SCTR: variants seen among roughly 807,000 people sequenced by gnomAD.
The protein encoded by SCTR is secretin receptor.
Under a neutral mutation model 60.8 loss-of-function variants are expected in SCTR, and 56 were observed. That is an observed-to-expected ratio of 0.92 (90% confidence interval 0.74 to 1.15). The LOEUF (loss-of-function observed/expected upper bound fraction) is 1.15. SCTR is among the 50% of genes most tolerant of loss of function. The pLI is 0.00. For missense variants in SCTR, 562 were observed against 550.4 expected, an observed-to-expected ratio of 1.02 and a Z score of -0.21; for synonymous variants, 202 against 217.0, an observed-to-expected ratio of 0.93 and a Z score of 0.61.
At chr2:119,452,566 C>T (rs1683215113) in intron 8 of SCTR, among the ~76,000 whole-genome samples, 1 of 152,136 alleles carries the variant, frequency 6.6e-6, no homozygotes. Context: ...TGTTAAAGGA[C>T]CTCTCCATTT....
chr2:119,458,962 G>A (rs529597817), intron 7 of SCTR, among the ~76,000 whole-genome samples: 12 of 152,274 alleles, frequency 7.9e-5, no homozygotes, highest in South Asian at 2.1e-4. Flanking sequence ...TAAAGCCTGC[G>A]CTGTCACTAT....
intron 3 of SCTR, among the ~76,000 whole-genome samples, chr2:119,475,139 G>A (rs528075452): frequency 1.3e-5 from 2 of 152,234 alleles, no homozygotes; most frequent in African/African-American, 4.8e-5. Context: ...GCAGAAGTGG[G>A]AGGGGCTTGG....
chr2:119,500,754 G>T (rs1266962709), intron 1 of SCTR, among the ~76,000 whole-genome samples: 3 of 152,116 alleles, frequency 2.0e-5, no homozygotes, highest in Admixed American at 2.0e-4. Flanking sequence ...TTGAAGAGAG[G>T]TTGAATAATG....
intron 2 of SCTR, among the ~76,000 whole-genome samples, chr2:119,482,374 C>T (rs1015854878): frequency 6.6e-6 from 1 of 152,148 alleles, no homozygotes; most frequent in African/African-American, 2.4e-5. Context: ...CCTGTGGGGG[C>T]TTTGGAGGCG....
intron 1 of SCTR, among the ~76,000 whole-genome samples, chr2:119,513,293 G>T (rs1679014198): frequency 6.6e-6 from 1 of 152,092 alleles, no homozygotes; most frequent in South Asian, 2.1e-4. Context: ...CTTTGTATGG[G>T]TTTATACCTT....
chr2:119,487,673 C>T (rs1339069613), intron 2 of SCTR, among the ~76,000 whole-genome samples: 1 of 152,184 alleles, frequency 6.6e-6, no homozygotes, highest in Non-Finnish European at 1.5e-5. Flanking sequence ...GTGGGGCAGG[C>T]CGTGCAGCTA....
intron 1 of SCTR, among the ~76,000 whole-genome samples, chr2:119,519,070 C>T (rs1055804663): frequency 6.6e-6 from 1 of 152,128 alleles, no homozygotes; most frequent in African/African-American, 2.4e-5. Context: ...CAAGTTCAAG[C>T]GATTCTCCTG....
chr2:119,523,578 C>T (rs560735361), intron 1 of SCTR, among the ~76,000 whole-genome samples: 4 of 151,894 alleles, frequency 2.6e-5, no homozygotes, highest in Non-Finnish European at 5.9e-5. Context: ...CATCGCAGAC[C>T]CAGAAGCTCC....
At position 119,444,964 on chromosome 2, in the gene SCTR, C is replaced by T. The variant is rs60968351; in HGVS notation, c.1140+1795G>A. ...ACGAATATATATACATATATTCGTA[C>T]GAATATATATACATATATTCGTACG... On this transcript the variant is annotated intron_variant, in intron 11 of 12. Transcript: ENST00000019103. Among the ~76,000 whole-genome samples the T allele has an allele frequency of 1.1e-3, 2 of 1,868 alleles. 1 individual carries two copies. Among genetic ancestry groups the T allele is most frequent in the African/African-American group, 0.025 (2 of 80 alleles). The allele number at this position is 1,868 out of a possible 152,430, so 1.2% of individuals were successfully genotyped here. A position where few individuals can be genotyped will look rare whatever the true frequency, so the allele number is the denominator to read the frequency against.
intron 2 of SCTR, among the ~76,000 whole-genome samples, chr2:119,485,587 G>A (rs566026110): frequency 5.9e-5 from 9 of 152,316 alleles, no homozygotes; most frequent in Admixed American, 4.6e-4. Context: ...GTGGCAGGGG[G>A]CCAGGAACAG....
intron 4 of SCTR, among the ~76,000 whole-genome samples, chr2:119,472,164 G>A (rs777408726): frequency 6.6e-6 from 1 of 152,204 alleles, no homozygotes; most frequent in Non-Finnish European, 1.5e-5. Flanking sequence ...GTATTTTAGT[G>A]AGAGAGATGG....
At chr2:119,485,944 A>C (rs924161966) in intron 2 of SCTR, 2 of 152,254 alleles carry the variant, frequency 1.3e-5, no homozygotes, top group Non-Finnish European at 2.9e-5. Flanking sequence ...GCCCCAGGCC[A>C]TCCAAGGGGC....
At chr2:119,510,125 TC>T (rs1678883786) in intron 1 of SCTR, among the ~76,000 whole-genome samples, 1 of 151,858 alleles carries the variant, frequency 6.6e-6, no homozygotes, top group Admixed American at 6.6e-5. Context: ...CTTAATGCTA[TC>T]CCTCCCCCAG....
intron 2 of SCTR, among the ~76,000 whole-genome samples, chr2:119,493,934 C>T (rs1366051559): frequency 6.6e-6 from 1 of 152,176 alleles, no homozygotes; most frequent in African/African-American, 2.4e-5. Flanking sequence ...AGCCACCACG[C>T]CTGGCCACCT....
At chr2:119,503,266 T>C (rs886511169) in intron 1 of SCTR, among the ~76,000 whole-genome samples, 1 of 150,832 alleles carries the variant, frequency 6.6e-6, no homozygotes, top group African/African-American at 2.4e-5. Context: ...GTGAAAGAAG[T>C]CAATCTAAAA....
intron 7 of SCTR, 116 bp downstream of exon 7, chr2:119,461,731 A>T: frequency 1.4e-6 from 1 of 718,164 alleles, no homozygotes; most frequent in South Asian, 3.3e-5. Flanking sequence ...AAAAAAAAAA[A>T]AGATTACACA....
chr2:119,453,434 G>T, intron 7 of SCTR, 87 bp from the exon 8 acceptor site: 1 of 1,029,778 alleles, frequency 9.7e-7, no homozygotes, highest in Non-Finnish European at 1.5e-6. Flanking sequence ...GGTTACCCCA[G>T]CCCAGCTACT....
intron 2 of SCTR, among the ~76,000 whole-genome samples, chr2:119,487,914 C>A (rs376215809): frequency 1.3e-4 from 20 of 152,270 alleles, no homozygotes; most frequent in African/African-American, 3.4e-4. Flanking sequence ...CCCCTCCCCC[C>A]ACACAGGTGT....
chr2:119,515,344 G>A (rs181390640), intron 1 of SCTR, among the ~76,000 whole-genome samples: 3 of 152,350 alleles, frequency 2.0e-5, no homozygotes, highest in East Asian at 3.9e-4. Context: ...ATTTAAGCAA[G>A]ACGTGAGGAT....
Sources: gnomAD v4.1 joint callset for allele counts (sites outside exome capture counted in the v4.1 genomes callset) on GRCh38, gnomAD v4.1.1 for gene constraint, MANE v1.5 for transcripts, NCBI Gene and HGNC (gene_info 2026-07-23, HGNC 2026-07-21) for gene names.